TCAIM: variants seen among roughly 807,000 people sequenced by gnomAD.
TCAIM encodes the protein T cell activation inhibitor, mitochondrial.
Under a neutral mutation model 58.6 loss-of-function variants are expected in TCAIM, and 36 were observed. That is an observed-to-expected ratio of 0.61 (90% CI 0.47 to 0.81). The LOEUF is 0.81. Ranked by LOEUF, TCAIM falls within the 30% of genes least tolerant of loss-of-function variation. The probability of loss-of-function intolerance (pLI) is 0.00; values close to 1 mark genes in which losing one functional copy is unlikely to be tolerated. For synonymous variants in TCAIM, 172 were observed against 193.6 expected, an observed-to-expected ratio of 0.89 and a Z score of 0.93; for missense variants, 466 against 579.6, an observed-to-expected ratio of 0.80 and a Z score of 2.01.
At chr3:44,346,177 G>A (rs1419328282) in intron 1 of TCAIM, among the ~76,000 whole-genome samples, 2 of 152,170 alleles carry the variant, frequency 1.3e-5, no homozygotes, top group Non-Finnish European at 2.9e-5. Context: ...TCATTAGTCC[G>A]TTTTACCTTT....
At chr3:44,359,042 A>C (rs1484302490) in intron 3 of TCAIM, 1 of 981,924 alleles carries the variant, frequency 1.0e-6, no homozygotes, top group Non-Finnish European at 1.2e-6. Flanking sequence ...TAGAAAAATC[A>C]AGCTTAGTAA....
chr3:44,358,950 A>G (rs1014810181), intron 3 of TCAIM: 6 of 985,412 alleles, frequency 6.1e-6, no homozygotes, highest in Non-Finnish European at 7.2e-6. Context: ...AGAACTTTTC[A>G]AAGTAATCAG....
intron 5 of TCAIM, among the ~76,000 whole-genome samples, chr3:44,370,288 C>T (rs912926971): frequency 6.6e-6 from 1 of 151,878 alleles, no homozygotes; most frequent in Non-Finnish European, 1.5e-5. Context: ...GGTGAAACCC[C>T]GTCTCTACTA....
chr3:44,396,669 T>C, intron 7 of TCAIM, 74 bp from the exon 8 acceptor site: 2 of 1,523,294 alleles, frequency 1.3e-6, no homozygotes, highest in Non-Finnish European at 1.8e-6. Flanking sequence ...ATCCTGGGTT[T>C]ATACACTATT....
At chr3:44,375,057 A>G (rs1472043351) in intron 5 of TCAIM, among the ~76,000 whole-genome samples, 1 of 152,182 alleles carries the variant, frequency 6.6e-6, no homozygotes, top group Non-Finnish European at 1.5e-5. Flanking sequence ...TGTACGTGGT[A>G]TTCTGGCATT....
chr3:44,395,439 G>A (rs1701918772), intron 6 of TCAIM, among the ~76,000 whole-genome samples: 1 of 152,066 alleles, frequency 6.6e-6, no homozygotes, highest in African/African-American at 2.4e-5. Context: ...TCCTCACTTT[G>A]CAAGCATGAA....
intron 2 of TCAIM, among the ~76,000 whole-genome samples, chr3:44,356,172 C>T (rs1334890858): frequency 6.6e-6 from 1 of 152,202 alleles, no homozygotes; most frequent in Non-Finnish European, 1.5e-5. Context: ...TTTCTAAAGA[C>T]TTGTCACACC....
At chr3:44,351,006 A>G (rs1159937075) in intron 1 of TCAIM, among the ~76,000 whole-genome samples, 2 of 152,060 alleles carry the variant, frequency 1.3e-5, no homozygotes, top group East Asian at 3.8e-4. Context: ...TGTATTTTTT[A>G]TTGTTGTTGT....
chr3:44,391,522 G>A (rs1308047208), intron 5 of TCAIM, among the ~76,000 whole-genome samples: 1 of 152,116 alleles, frequency 6.6e-6, no homozygotes, highest in Non-Finnish European at 1.5e-5. Flanking sequence ...CTTCTTGTAA[G>A]ACTATTGAGG....
At chr3:44,394,345 T>C (rs1338318886) in intron 6 of TCAIM, among the ~76,000 whole-genome samples, 1 of 152,198 alleles carries the variant, frequency 6.6e-6, no homozygotes, top group Non-Finnish European at 1.5e-5. Context: ...AACTTTATTA[T>C]AGGGGTTTCT....
intron 5 of TCAIM, 147 bp from the exon 6 acceptor site, chr3:44,392,708 T>A (rs1329349830): frequency 1.5e-6 from 1 of 674,218 alleles, no homozygotes; most frequent in African/African-American, 1.8e-5. Context: ...TACCACATTT[T>A]CTTTACCCAA....
intron 5 of TCAIM, among the ~76,000 whole-genome samples, chr3:44,372,077 G>GGAAGGAAGGA (rs1232901051): frequency 1.4e-5 from 2 of 146,120 alleles, no homozygotes; most frequent in East Asian, 2.1e-4. Flanking sequence ...AAGGAAGGAA[G>GGAAGGAAGGA]ATACAGTATT....
At chr3:44,385,081 G>C (rs1701717928) in intron 5 of TCAIM, among the ~76,000 whole-genome samples, 1 of 152,202 alleles carries the variant, frequency 6.6e-6, no homozygotes. Flanking sequence ...ATAAGAAACA[G>C]AAATGGGATA....
intron 5 of TCAIM, among the ~76,000 whole-genome samples, chr3:44,374,654 A>G (rs1224419061): frequency 1.3e-5 from 2 of 152,108 alleles, no homozygotes; most frequent in African/African-American, 4.8e-5. Flanking sequence ...CCAGCTACTC[A>G]GGAGGCTGAG....
At chr3:44,383,809 C>CAAAAAAAAAA (rs71089100) in intron 5 of TCAIM, among the ~76,000 whole-genome samples, 2 of 95,418 alleles carry the variant, frequency 2.1e-5, no homozygotes, top group African/African-American at 8.5e-5. Context: ...CCTGTCTCTA[C>CAAAAAAAAAA]AAAAAAAAAA....
At chr3:44,352,584 A>G (rs1701113614) in intron 1 of TCAIM, among the ~76,000 whole-genome samples, 1 of 152,204 alleles carries the variant, frequency 6.6e-6, no homozygotes, top group Non-Finnish European at 1.5e-5. Flanking sequence ...ATCAGCATCC[A>G]CACCAAAATG....
intron 2 of TCAIM, among the ~76,000 whole-genome samples, chr3:44,355,035 A>C (rs1236528304): frequency 1.3e-5 from 2 of 152,252 alleles, no homozygotes; most frequent in Non-Finnish European, 1.5e-5. Context: ...TTAGGTGTGA[A>C]AAGCTTAAAA....
chr3:44,384,652 G>C (rs186870961), intron 5 of TCAIM, among the ~76,000 whole-genome samples: 1 of 152,272 alleles, frequency 6.6e-6, no homozygotes, highest in East Asian at 1.9e-4. Flanking sequence ...CATAGTTTTT[G>C]CTTGATGTGG....
At chr3:44,404,072 G>C (rs1171627351) in intron 10 of TCAIM, among the ~76,000 whole-genome samples, 1 of 152,018 alleles carries the variant, frequency 6.6e-6, no homozygotes, top group East Asian at 1.9e-4. Context: ...TAGTCCTCGG[G>C]CACTCTTGAC....
Sources: gnomAD v4.1 joint callset for allele counts (sites outside exome capture counted in the v4.1 genomes callset) on GRCh38, gnomAD v4.1.1 for gene constraint, MANE v1.5 for transcripts, NCBI Gene and HGNC (gene_info 2026-07-23, HGNC 2026-07-21) for gene names.